Variants in KCNC4 observed in about 807,000 individuals in gnomAD.
KCNC4 encodes the protein voltage-gated potassium channel KCNC4.
KCNC4 carries 23 observed loss-of-function variants against 42.8 expected under a neutral mutation model. That is an observed-to-expected ratio of 0.54 (90% CI 0.39 to 0.76). The LOEUF (loss-of-function observed/expected upper bound fraction) is 0.76. KCNC4 is among the 30% of genes least tolerant of loss of function. KCNC4 has a pLI of 0.00. For missense variants in KCNC4, 751 were observed against 898.2 expected (o/e 0.84, Z 2.10); for synonymous variants, 422 against 393.5 (o/e 1.07, Z -0.86).
chr1:110,241,833 C>T (rs1447889705), exon 4 of KCNC4: 7 of 152,184 alleles, frequency 4.6e-5, no homozygotes. Flanking sequence ...CATTATAGCA[C>T]TTACTGCAGT....
Position 110,276,928 on chromosome 1 carries a change from G to T in KCNC4, n.31-5606G>T, listed in dbSNP as rs867371690. Among the ~76,000 whole-genome samples the T allele has an allele frequency of 2.4e-4, 36 of 152,362 alleles. 1 individual carries two copies. The highest frequency in any genetic ancestry group is 3.4e-3 in the Middle Eastern group (1 of 292). On this transcript the variant is annotated intron_variant and non_coding_transcript_variant, in intron 1 of 2. Transcript: ENST00000412512. ...CAGTTGCCCCCAGAAGTTCTCAACAGTGCTGAGAGCCGGGTCATATGTATA... is the reference window on the plus strand; with the variant it reads ...CAGTTGCCCCCAGAAGTTCTCAACATTGCTGAGAGCCGGGTCATATGTATA...
At chr1:110,279,105 T>C (rs1419078265) in intron 1 of KCNC4, among the ~76,000 whole-genome samples, 2 of 152,158 alleles carry the variant, frequency 1.3e-5, no homozygotes, top group Non-Finnish European at 2.9e-5. Context: ...AGGATATAAA[T>C]GCAAGGAAAG....
At position 110,223,264 on chromosome 1, in the gene KCNC4, C is replaced by G; in HGVS notation, c.979C>G (p.Leu327Val). The G allele has an allele frequency of 6.2e-7, 1 of 1,614,242 alleles. No individual in the cohort carries two copies. The highest frequency in any genetic ancestry group is 8.5e-7 in the Non-Finnish European group (1 of 1,180,044). Reference protein sequence around the residue: ...IDFVAILPFYLEVGLSGLSSK... With the variant: ...IDFVAILPFYVEVGLSGLSSK... ...CTTTGTGGCCATCCTGCCCTTCTAC[C>G]TGGAGGTGGGGCTGAGCGGCCTGTC... is the stretch of plus-strand genomic sequence containing the variant. Residue 327 changes from leucine to valine, a missense_variant, in exon 2 of 4, where the codon CTG becomes GTG. This residue lies in a region of KCNC4 where 185 missense variants were observed against 293.7 expected (regional missense o/e 0.63). Coordinates refer to ENST00000438661, the MANE Select transcript of KCNC4 (RefSeq NM_001039574.3). This position sits in a 1 kb window ranked among gnomAD's most constrained non-coding sequence, Gnocchi z 7.5.
intron 1 of KCNC4, among the ~76,000 whole-genome samples, chr1:110,217,391 AATAC>A (rs1039232028): frequency 6.6e-5 from 10 of 152,180 alleles, no homozygotes; most frequent in African/African-American, 1.2e-4. Context: ...TCACATTATA[AATAC>A]ATACATAAAT....
At position 110,223,584 on chromosome 1, in the gene KCNC4, C is replaced by T. The variant is rs1221155504; in HGVS notation, c.1299C>T (p.Thr433=). The part of the protein sequence containing the change: ...IPIGFWWAVV[T]MTTLGYGDMY... ...TTGGCTTCTGGTGGGCTGTGGTCAC[C>T]ATGACGACACTGGGCTACGGAGACA... The change falls in exon 2 of 4, where the codon ACC becomes ACT. Residue 433 remains threonine, a synonymous_variant. Coordinates refer to ENST00000438661, the MANE Select transcript of KCNC4 (RefSeq NM_001039574.3). The surrounding 1 kb of genome is among the most constrained non-coding windows in gnomAD (Gnocchi z 7.5). 6.2e-7 allele frequency: 1 copy of T among 1,614,054 alleles called. No individual in the cohort carries two copies. Among genetic ancestry groups the T allele is most frequent in the Admixed American group, 1.7e-5 (1 of 60,028 alleles).
At chr1:110,275,275 T>C (rs181548446) in intron 1 of KCNC4, among the ~76,000 whole-genome samples, 1 of 152,254 alleles carries the variant, frequency 6.6e-6, no homozygotes, top group Admixed American at 6.5e-5. Context: ...ACATCACTAA[T>C]CATCAGGTTT....
downstream of KCNC4, chr1:110,249,199 A>G (rs1659208014): frequency 6.6e-6 from 1 of 152,184 alleles, no homozygotes. Flanking sequence ...ACACAGAGGC[A>G]CTTTTGTTGT....
chr1:110,232,978 C>T lies in KCNC4; in HGVS notation c.*6C>T. 2 of 1,609,866 alleles carry T rather than the reference C, an allele frequency of 1.2e-6. No homozygotes were observed. The highest frequency in any genetic ancestry group is 1.7e-6 in the Non-Finnish European group (2 of 1,178,272). On this transcript the variant is annotated 3_prime_UTR_variant, in exon 4 of 4. Transcript: ENST00000438661. ...AAGTCCTCACCCTCTCTTAAAGCGG[C>T]ACCAACGTGAGAGAGACAGGCAGAC...
At chr1:110,213,197 A>AAAAAAT (rs869067205) in intron 1 of KCNC4, among the ~76,000 whole-genome samples, 3 of 147,162 alleles carry the variant, frequency 2.0e-5, no homozygotes, top group Admixed American at 6.8e-5. Flanking sequence ...AAAAAAAAAA[A>AAAAAAT]TCCCTGAAGG....
chr1:110,216,098 C>G (rs1657778887), intron 1 of KCNC4, among the ~76,000 whole-genome samples: 1 of 152,230 alleles, frequency 6.6e-6, no homozygotes, highest in African/African-American at 2.4e-5. Flanking sequence ...CTCCCTGGCC[C>G]AGGCAGAGCA....
chr1:110,272,835 C>T (rs1659658822), intron 1 of KCNC4, among the ~76,000 whole-genome samples: 2 of 152,192 alleles, frequency 1.3e-5, no homozygotes, highest in Admixed American at 6.5e-5. Flanking sequence ...GTCTTAGAAC[C>T]TTACAATGAC....
downstream of KCNC4, chr1:110,236,874 A>G (rs1658919165): frequency 6.6e-6 from 1 of 152,222 alleles, no homozygotes; most frequent in Admixed American, 6.5e-5. Context: ...TCCGGAAATA[A>G]TAGGTGGAAA....
intron 1 of KCNC4, among the ~76,000 whole-genome samples, chr1:110,213,517 G>T (rs1657620193): frequency 6.6e-6 from 1 of 152,228 alleles, no homozygotes; most frequent in African/African-American, 2.4e-5. Context: ...TGGCATAAAT[G>T]CCAGGCCAGG....
chr1:110,226,217 A>G, intron 3 of KCNC4, 39 bp downstream of exon 3: 1 of 1,587,040 alleles, frequency 6.3e-7, no homozygotes, highest in Non-Finnish European at 8.7e-7. Context: ...GAGCCCCCAC[A>G]GAGCTGAGTC....
intron 1 of KCNC4, among the ~76,000 whole-genome samples, chr1:110,277,260 A>C (rs960975664): frequency 7.2e-5 from 11 of 152,266 alleles, no homozygotes; most frequent in Admixed American, 3.3e-4. Context: ...GCATAGTGGC[A>C]GCAGGTCTTG....
At chr1:110,254,090 C>CG (rs11305916), downstream of KCNC4, among the ~76,000 whole-genome samples, 6,329 of 105,462 alleles carry the variant, frequency 0.06, 508 homozygotes, top group Non-Finnish European at 0.087. Context: ...AGGCAGAAGT[C>CG]GGGGGGGGGG....
chr1:110,212,228 T>G lies in KCNC4; in HGVS notation c.678+51T>G. Reference sequence around the variant, plus strand: ...CCATCTTGGGTCTGCAAGGGGTCCGTGGTGGGTGGTGGGTAGGGGCCGGGA... The same window carrying G: ...CCATCTTGGGTCTGCAAGGGGTCCGGGGTGGGTGGTGGGTAGGGGCCGGGA... On this transcript the variant is annotated intron_variant, in intron 1 of 3. Coordinates refer to ENST00000438661, the MANE Select transcript of KCNC4 (RefSeq NM_001039574.3). 3 of 1,383,010 alleles carry G rather than the reference T, an allele frequency of 2.2e-6. No individual in the cohort carries two copies. In the African/African-American group the frequency reaches 4.5e-5, roughly 21 times the overall value. 85.7% of individuals were successfully genotyped at this position (1,383,010 alleles called of 1,614,324 possible). A position where few individuals can be genotyped will look rare whatever the true frequency, so the allele number is the denominator to read the frequency against.
chr1:110,263,681 G>T (rs1323724), intron 1 of KCNC4, among the ~76,000 whole-genome samples: 90,156 of 151,908 alleles, frequency 0.59, 27,288 homozygotes, highest in African/African-American at 0.71. Flanking sequence ...GACTGATTGA[G>T]AGGTTCAAAA....
At chr1:110,274,544 C>G (rs1659685461) in intron 1 of KCNC4, among the ~76,000 whole-genome samples, 2 of 152,030 alleles carry the variant, frequency 1.3e-5, no homozygotes, top group Non-Finnish European at 2.9e-5. Context: ...AAAAAGAGCC[C>G]AAATAGCCAA....
Sources: allele counts gnomAD v4.1 joint callset (sites outside exome capture counted in the v4.1 genomes callset), GRCh38; gene constraint gnomAD v4.1.1; regional missense constraint gnomAD v4.1.1; non-coding constraint Gnocchi (gnomAD v3.1); transcripts MANE v1.5; gene names NCBI Gene and HGNC (gene_info 2026-07-23, HGNC 2026-07-21).